Variants in FNDC1 observed in about 807,000 individuals in gnomAD.
The protein encoded by FNDC1 is fibronectin type III domain-containing protein 1.
A neutral mutation model predicts 168.0 loss-of-function variants in FNDC1; 96 were observed. The ratio of observed to expected loss-of-function variants is 0.57; its 90% CI spans 0.48 to 0.68. The LOEUF (loss-of-function observed/expected upper bound fraction) is 0.68. Ranked by LOEUF, FNDC1 falls within the 30% of genes least tolerant of loss-of-function variation. The pLI is 0.00. For missense variants in FNDC1, 2,587 were observed against 2,482.1 expected, an observed-to-expected ratio of 1.04 and a Z score of -0.90; for synonymous variants, 1,099 against 1,025.9, an observed-to-expected ratio of 1.07 and a Z score of -1.36.
At chr6:159,256,309 G>A (rs117020666) in intron 17 of FNDC1, among the ~76,000 whole-genome samples, 240 of 152,324 alleles carry the variant, frequency 1.6e-3, no homozygotes, top group Middle Eastern at 3.4e-3. Context: ...CAGGCATCAG[G>A]AAGTGTCTTA....
intron 1 of FNDC1, among the ~76,000 whole-genome samples, chr6:159,182,906 T>C (rs1432158826): frequency 6.6e-6 from 1 of 152,188 alleles, no homozygotes; most frequent in African/African-American, 2.4e-5. Flanking sequence ...GATTTAAAAA[T>C]TCCAATTAAA....
At position 159,231,886 on chromosome 6, in the gene FNDC1, T is replaced by G. The variant is rs1393082815; in HGVS notation, c.1374T>G (p.Ser458Arg). ...ATTCTTTAAAATCTGTTGCAGCCAG[T>G]AAGGCGGATGTTGAGCAGAACACGG... Reference protein sequence around the residue: ...KAFIVAMPTTSKADVEQNTED... With the variant: ...KAFIVAMPTTRKADVEQNTED... Residue 458 changes from serine to arginine, a missense_variant, in exon 11 of 23, where the codon AGT (serine) becomes AGG (arginine). By Grantham distance (110) the Ser-to-Arg change is moderately radical. Transcript: ENST00000297267. The G allele has an allele frequency of 6.3e-7, 1 of 1,588,752 alleles. No individual in the cohort carries two copies.
chr6:159,195,891 C>T (rs1276106410), intron 1 of FNDC1, among the ~76,000 whole-genome samples: 1 of 152,176 alleles, frequency 6.6e-6, no homozygotes, highest in African/African-American at 2.4e-5. Flanking sequence ...TATATTCATT[C>T]ATTTATATTC....
At chr6:159,170,213 TGCGCTCCAGAGGAGAA>T in intron 1 of FNDC1, among the ~76,000 whole-genome samples, 1 of 152,144 alleles carries the variant, frequency 6.6e-6, no homozygotes, top group South Asian at 2.1e-4. Context: ...CGGGTGCCTC[TGCGCTCCAGAGGAGAA>T]GCGCTCCAGT....
intron 22 of FNDC1, among the ~76,000 whole-genome samples, chr6:159,268,186 C>T (rs1319058165): frequency 2.6e-5 from 4 of 151,806 alleles, no homozygotes; most frequent in African/African-American, 9.7e-5. Context: ...ACATGCAGAC[C>T]CACCGTGATA....
At chr6:159,224,950 C>T (rs1013142767) in intron 7 of FNDC1, among the ~76,000 whole-genome samples, 4 of 152,172 alleles carry the variant, frequency 2.6e-5, no homozygotes, top group Non-Finnish European at 5.9e-5. Context: ...GATAACCATG[C>T]ACCACAGTTC....
chr6:159,220,112 A>G (rs1429850369), intron 5 of FNDC1, among the ~76,000 whole-genome samples: 1 of 152,212 alleles, frequency 6.6e-6, no homozygotes, highest in East Asian at 1.9e-4. Context: ...TGGCTAGAGT[A>G]TCACCCGCTT....
At chr6:159,201,605 A>G (rs1386818888) in intron 4 of FNDC1, among the ~76,000 whole-genome samples, 1 of 152,240 alleles carries the variant, frequency 6.6e-6, no homozygotes, top group Admixed American at 6.5e-5. Context: ...AGAGCTCATG[A>G]GTGGCTGAGG....
intron 20 of FNDC1, among the ~76,000 whole-genome samples, chr6:159,265,785 G>A (rs1416304807): frequency 5.9e-5 from 9 of 152,058 alleles, no homozygotes; most frequent in African/African-American, 1.4e-4. Flanking sequence ...AAAATTAGCC[G>A]GGTGTGGTGG....
chr6:159,227,814 C>CT (rs112873442), intron 9 of FNDC1, among the ~76,000 whole-genome samples: 9 of 151,778 alleles, frequency 5.9e-5, no homozygotes, highest in African/African-American at 2.2e-4. Flanking sequence ...AGCTGATGAG[C>CT]TTTAAAAAAA....
intron 18 of FNDC1, 98 bp from the exon 19 acceptor site, chr6:159,261,092 C>T (rs1777473406): frequency 4.7e-6 from 4 of 846,406 alleles, no homozygotes; most frequent in Admixed American, 4.7e-5. Flanking sequence ...GAACTCAAAG[C>T]CTGTCACGGT....
chr6:159,267,733 T>C lies in FNDC1; in HGVS notation c.5447-71T>C, dbSNP rs542772713. 4.2e-5 allele frequency: 66 copies of C among 1,563,802 alleles called. 3 individuals carry two copies. The South Asian group carries it at 6.2e-4, about 15-fold the overall frequency. On this transcript the variant is annotated intron_variant, in intron 21 of 22. Coordinates refer to ENST00000297267, the MANE Select transcript of FNDC1 (RefSeq NM_032532.3). Reference sequence around the variant, plus strand: ...GAATTCAAACAGTCTCCAAAGCTTGTGCAAAAAAACTCCTAAACCAGTTGT... The same window carrying C: ...GAATTCAAACAGTCTCCAAAGCTTGCGCAAAAAAACTCCTAAACCAGTTGT...
intron 14 of FNDC1, among the ~76,000 whole-genome samples, chr6:159,245,124 C>T (rs138143590): frequency 8.8e-4 from 134 of 152,244 alleles, no homozygotes; most frequent in African/African-American, 3.0e-3. Flanking sequence ...AGAATTTACT[C>T]ACTATCATGA....
At chr6:159,183,782 C>T (rs1001805559) in intron 1 of FNDC1, among the ~76,000 whole-genome samples, 5 of 152,168 alleles carry the variant, frequency 3.3e-5, no homozygotes, top group African/African-American at 7.2e-5. Context: ...GGAGGAGGCG[C>T]TCACTGTTGT....
chr6:159,261,083 A>G, intron 18 of FNDC1, 107 bp from the exon 19 acceptor site: 1 of 771,478 alleles, frequency 1.3e-6, no homozygotes, highest in Non-Finnish European at 2.2e-6. Flanking sequence ...TAAAAAGTAG[A>G]ACTCAAAGCC....
In FNDC1 at chr6:159,239,701, T is replaced by C. The variant is rs1280991031; in HGVS notation, c.4365T>C (p.Thr1455=). The change falls in exon 14 of 23, where the codon ACT becomes ACC. Residue 1455 remains threonine, a synonymous_variant. Transcript: ENST00000297267. ...HPPTTTMQPT[T]TTTPLPTTTT... ...CTACCACTACCATGCAGCCCACCACTACTACGACGCCCCTGCCTACCACTA... is the reference window on the plus strand; with the variant it reads ...CTACCACTACCATGCAGCCCACCACCACTACGACGCCCCTGCCTACCACTA... 1 of 1,550,516 alleles carries C rather than the reference T, an allele frequency of 6.4e-7. No individual in the cohort carries two copies. Among genetic ancestry groups the C allele is most frequent in the African/African-American group, 1.4e-5 (1 of 73,034 alleles).
chr6:159,184,368 C>T lies in FNDC1; in HGVS notation c.110-13063C>T, dbSNP rs113551304. Among the ~76,000 whole-genome samples the T allele has an allele frequency of 3.0e-3, 458 of 152,270 alleles. 2 individuals are homozygous for T. The highest frequency in any genetic ancestry group is 0.01 in the African/African-American group (423 of 41,532). ...TAAATATTTTTTTCTATATTACAAA[C>T]GGATCCAAAACTTAAACTCTTAGTT... is the stretch of plus-strand genomic sequence containing the variant. On this transcript the variant is annotated intron_variant, in intron 1 of 22. Coordinates refer to ENST00000297267, the MANE Select transcript of FNDC1 (RefSeq NM_032532.3).
intron 1 of FNDC1, among the ~76,000 whole-genome samples, chr6:159,182,909 C>A (rs1030584237): frequency 6.6e-6 from 1 of 152,086 alleles, no homozygotes; most frequent in African/African-American, 2.4e-5. Context: ...TTAAAAATTC[C>A]AATTAAAAGT....
intron 19 of FNDC1, among the ~76,000 whole-genome samples, chr6:159,263,635 G>T (rs526520): frequency 6.6e-6 from 1 of 151,870 alleles, no homozygotes; most frequent in Non-Finnish European, 1.5e-5. Context: ...GGTGGCGGGC[G>T]CCTGTAGTCC....
Sources: allele counts gnomAD v4.1 joint callset (sites outside exome capture counted in the v4.1 genomes callset), GRCh38; gene constraint gnomAD v4.1.1; transcripts MANE v1.5; gene names NCBI Gene and HGNC (gene_info 2026-07-23, HGNC 2026-07-21).